PCLO: variants seen among roughly 807,000 people sequenced by gnomAD.
PCLO encodes protein piccolo.
In PCLO, 82 loss-of-function variants were observed where a neutral mutation model predicts 427.5. That is an observed-to-expected ratio of 0.19 (90% CI 0.16 to 0.23). The LOEUF (loss-of-function observed/expected upper bound fraction) is 0.23. PCLO is among the 10% of genes least tolerant of loss of function. PCLO has a pLI of 1.00. For missense variants in PCLO, 6,239 were observed against 6,115.9 expected (o/e 1.02, Z -0.67); for synonymous variants, 2,357 against 2,155.4 (o/e 1.09, Z -2.59).
chr7:82,944,336 A>C (rs1795152974), intron 6 of PCLO, among the ~76,000 whole-genome samples: 1 of 152,008 alleles, frequency 6.6e-6, no homozygotes, highest in Non-Finnish European at 1.5e-5. Flanking sequence ...AATCAAGTTA[A>C]ATTATTATTA....
At chr7:83,024,310 C>G (rs966378255) in intron 3 of PCLO, among the ~76,000 whole-genome samples, 1 of 152,156 alleles carries the variant, frequency 6.6e-6, no homozygotes, top group Non-Finnish European at 1.5e-5. Flanking sequence ...AAGGGGTCAC[C>G]GAGTTCCCTT....
chr7:83,162,312 T>C, intron 1 of PCLO, 33 bp downstream of exon 1: 1 of 1,568,846 alleles, frequency 6.4e-7, no homozygotes, highest in Non-Finnish European at 8.6e-7. Context: ...GCTGTACATA[T>C]ATGCCCGGAC....
chr7:82,948,409 T>C (rs934211303), intron 6 of PCLO, among the ~76,000 whole-genome samples: 19 of 152,178 alleles, frequency 1.2e-4, no homozygotes, highest in African/African-American at 4.1e-4. Flanking sequence ...CTTACAGTCA[T>C]ATATCATGAC....
intron 6 of PCLO, among the ~76,000 whole-genome samples, chr7:82,940,755 C>CTTTTTTTTTTTT (rs71531190): frequency 1.2e-4 from 13 of 109,134 alleles, no homozygotes; most frequent in Admixed American, 2.2e-4. Flanking sequence ...TTTTTTCTTT[C>CTTTTTTTTTTTT]TTTTTTTTTT....
intron 10 of PCLO, among the ~76,000 whole-genome samples, chr7:82,868,924 C>A (rs904051911): frequency 1.3e-5 from 2 of 151,978 alleles, no homozygotes; most frequent in African/African-American, 4.8e-5. Context: ...TCAATATAAA[C>A]AATTGTTTTA....
Position 82,951,371 on chromosome 7 carries a change from C to T in PCLO, c.9217G>A (p.Gly3073Arg), listed in dbSNP as rs756309574. Residue 3073 changes from glycine to arginine, a missense_variant, in exon 6 of 25, where the codon GGA (glycine) becomes AGA (arginine). Transcript: ENST00000333891. ...ACACTCCCCACACAATACTGGGGTC[C>T]TGGTGGTGGTGTCATTCTTGCTGTG... ...YSTARMTPPP[G>R]PQYCVGSVLR... 1.7e-5 allele frequency: 27 copies of T among 1,605,438 alleles called. No individual in the cohort carries two copies. In the South Asian group the frequency reaches 2.8e-4, roughly 17 times the overall value.
chr7:83,104,793 C>T (rs778873983), intron 3 of PCLO, among the ~76,000 whole-genome samples: 21 of 152,056 alleles, frequency 1.4e-4, no homozygotes, highest in Admixed American at 2.6e-4. Context: ...AAAGAAGTGA[C>T]ACAACTATGC....
At chr7:83,147,555 T>G (rs538652336) in intron 2 of PCLO, among the ~76,000 whole-genome samples, 1 of 152,170 alleles carries the variant, frequency 6.6e-6, no homozygotes, top group Non-Finnish European at 1.5e-5. Flanking sequence ...CTGACCAAAC[T>G]TGGCATCACA....
chr7:83,029,295 G>T (rs1788594597), intron 3 of PCLO, among the ~76,000 whole-genome samples: 2 of 151,302 alleles, frequency 1.3e-5, no homozygotes, highest in East Asian at 1.9e-4. Context: ...CAAAAAGTGG[G>T]CAAAGGACAT....
chr7:83,032,994 A>G (rs1013293000), intron 3 of PCLO, among the ~76,000 whole-genome samples: 2 of 152,060 alleles, frequency 1.3e-5, no homozygotes, highest in African/African-American at 4.8e-5. Flanking sequence ...TTCTTGTGAT[A>G]GTGAGGGAGT....
chr7:83,024,709 A>T (rs1051245831), intron 3 of PCLO, among the ~76,000 whole-genome samples: 13 of 152,102 alleles, frequency 8.5e-5, no homozygotes, highest in Admixed American at 3.3e-4. Flanking sequence ...TGTCCCTGTC[A>T]GACAGCTTTG....
In PCLO at chr7:82,783,976, G is replaced by T. The variant is rs529506920; in HGVS notation, c.15007+17542C>A. Among the ~76,000 whole-genome samples the T allele has an allele frequency of 2.0e-5, 3 of 151,750 alleles. No individual in the cohort carries two copies. In the South Asian group the frequency reaches 6.2e-4, roughly 32 times the overall value. ...ATAGACACATACATACATGAATCCG[G>T]AAGAAATAGGCAAATTCTTAGCCCT... On this transcript the variant is annotated intron_variant, in intron 22 of 24. Coordinates refer to ENST00000333891, the MANE Select transcript of PCLO (RefSeq NM_033026.6).
chr7:83,096,862 T>TATTA (rs1790565025), intron 3 of PCLO, among the ~76,000 whole-genome samples: 1 of 66,126 alleles, frequency 1.5e-5, no homozygotes, highest in African/African-American at 6.9e-5. Context: ...TATATAAAAA[T>TATTA]ATATTATATA....
intron 6 of PCLO, among the ~76,000 whole-genome samples, chr7:82,921,354 GT>G (rs1471519434): frequency 8.6e-5 from 13 of 151,746 alleles, no homozygotes; most frequent in Admixed American, 2.0e-4. Context: ...ATACTACAAG[GT>G]TATAGTAAAC....
intron 23 of PCLO, among the ~76,000 whole-genome samples, 159 bp from the exon 24 acceptor site, chr7:82,760,943 CTTTT>C (rs767222339): frequency 0.025 from 1,498 of 60,246 alleles, 13 homozygotes; most frequent in African/African-American, 0.092. Context: ...AAAGATATGT[CTTTT>C]TTTTTTTTTT....
chr7:82,934,346 T>A (rs968430732), intron 6 of PCLO, among the ~76,000 whole-genome samples: 31 of 151,870 alleles, frequency 2.0e-4, no homozygotes, highest in African/African-American at 7.0e-4. Flanking sequence ...TTAAACTGTG[T>A]ATGGATCCAC....
intron 10 of PCLO, among the ~76,000 whole-genome samples, chr7:82,874,270 G>A (rs1793315444): frequency 1.3e-5 from 2 of 151,936 alleles, no homozygotes; most frequent in Non-Finnish European, 1.5e-5. Flanking sequence ...AACTGACAAG[G>A]TCAAGGTACA....
chr7:82,863,748 G>T (rs1163410787), intron 10 of PCLO, among the ~76,000 whole-genome samples: 1 of 151,952 alleles, frequency 6.6e-6, no homozygotes, highest in Non-Finnish European at 1.5e-5. Context: ...TTGTAAATAG[G>T]ATTACAACTG....
intron 22 of PCLO, among the ~76,000 whole-genome samples, chr7:82,773,796 A>G (rs1279791754): frequency 1.3e-5 from 2 of 151,862 alleles, no homozygotes; most frequent in East Asian, 3.9e-4. Flanking sequence ...GAGGAAGAAC[A>G]CTATGAACTT....
Sources: allele counts gnomAD v4.1 joint callset (sites outside exome capture counted in the v4.1 genomes callset), GRCh38; gene constraint gnomAD v4.1.1; transcripts MANE v1.5; gene names NCBI Gene and HGNC (gene_info 2026-07-23, HGNC 2026-07-21).